The following PKHD1 variants were observed in gnomAD, a reference collection of about 807,000 sequenced individuals.
The protein encoded by PKHD1 is PKHD1 ciliary IPT domain containing fibrocystin/polyductin.
A neutral mutation model predicts 412.0 loss-of-function variants in PKHD1; 291 were observed. The ratio of observed to expected loss-of-function variants is 0.71; its 90% confidence interval spans 0.64 to 0.78. The LOEUF (loss-of-function observed/expected upper bound fraction) is 0.78. PKHD1 is among the 30% of genes least tolerant of loss of function. PKHD1 has a pLI of 0.00. For missense variants in PKHD1, 4,825 were observed against 4,950.7 expected (o/e 0.97, Z 0.76); for synonymous variants, 1,777 against 1,821.5 (o/e 0.98, Z 0.62).
intron 49 of PKHD1, among the ~76,000 whole-genome samples, chr6:51,848,330 T>C (rs1771587813): frequency 6.6e-6 from 1 of 152,186 alleles, no homozygotes; most frequent in African/African-American, 2.4e-5. Context: ...AGAATTCCTT[T>C]CCAGCTTTTC....
Position 51,619,107 on chromosome 6 carries a change from G to T in PKHD1, c.12199C>A (p.Pro4067Thr), listed in dbSNP as rs1217012361. 1 of 1,614,082 alleles carries T rather than the reference G, an allele frequency of 6.2e-7. No homozygotes were observed. Among genetic ancestry groups the T allele is most frequent in the African/African-American group, 1.3e-5 (1 of 74,940 alleles). Residue 4067 changes from proline (P) to threonine (T), a missense_variant, in exon 67 of 67, where the codon CCG (proline) becomes ACG (threonine). Coordinates refer to ENST00000371117, the MANE Select transcript of PKHD1 (RefSeq NM_138694.4). ...CACAGTTGCTCCTGAATAGTTTCCG[G>T]GTGTACTGAATGAAGGCAGAATGCC... ...TEAFCLHSVH[P>T]ETIQEQL
intron 64 of PKHD1, among the ~76,000 whole-genome samples, chr6:51,636,818 A>T (rs1004169359): frequency 1.3e-5 from 2 of 152,208 alleles, no homozygotes; most frequent in African/African-American, 4.8e-5. Context: ...AGAAGTGCAG[A>T]TATTTAATAT....
At chr6:51,764,362 A>G (rs956741825) in intron 55 of PKHD1, among the ~76,000 whole-genome samples, 1 of 149,612 alleles carries the variant, frequency 6.7e-6, no homozygotes, top group East Asian at 2.0e-4. Flanking sequence ...AACCACTATG[A>G]GATACCATCT....
chr6:51,854,033 A>AT (rs1165824757), intron 49 of PKHD1, among the ~76,000 whole-genome samples: 1 of 151,848 alleles, frequency 6.6e-6, no homozygotes, highest in Non-Finnish European at 1.5e-5. Flanking sequence ...TTTCTCGTTG[A>AT]TTCTTTTTCA....
chr6:52,023,996 A>G (rs1801773163), intron 32 of PKHD1, among the ~76,000 whole-genome samples: 1 of 152,232 alleles, frequency 6.6e-6, no homozygotes. Context: ...AATTTGAACT[A>G]TCTCAAGTGC....
intron 64 of PKHD1, among the ~76,000 whole-genome samples, chr6:51,635,872 GGGCC>G (rs1327699767): frequency 3.0e-5 from 3 of 98,992 alleles, no homozygotes; most frequent in African/African-American, 7.4e-5. Flanking sequence ...GGGGGGCGGG[GGGCC>G]GGGGGCGGAT....
chr6:51,633,094 C>T (rs1465450430), intron 64 of PKHD1, among the ~76,000 whole-genome samples: 1 of 152,142 alleles, frequency 6.6e-6, no homozygotes, highest in Non-Finnish European at 1.5e-5. Flanking sequence ...AAATTACTTG[C>T]TCTGATGTAT....
rs761606227 is a variant in PKHD1, at chr6:52,079,814, G to A, written c.390+86C>T. On this transcript the variant is annotated intron_variant, in intron 5 of 66. Coordinates refer to ENST00000371117, the MANE Select transcript of PKHD1 (RefSeq NM_138694.4). ...TCTTTTAACCCGGTCAAGCAGACAC[G>A]CTGGCTCATTTACAATTTGCCTTTC... 7.6e-5 allele frequency: 61 copies of A among 806,830 alleles called. No individual in the cohort carries two copies. In the East Asian group the frequency reaches 8.3e-4, roughly 11 times the overall value. 50.0% of individuals were successfully genotyped at this position (806,830 alleles called of 1,614,324 possible). A position where few individuals can be genotyped will look rare whatever the true frequency, so the allele number is the denominator to read the frequency against.
At chr6:51,664,866 C>T (rs1773465211) in intron 60 of PKHD1, among the ~76,000 whole-genome samples, 1 of 152,062 alleles carries the variant, frequency 6.6e-6, no homozygotes, top group Non-Finnish European at 1.5e-5. Context: ...ATTTTGATTT[C>T]TCATATCTGG....
At chr6:52,050,459 G>A (rs1806637338) in intron 21 of PKHD1, among the ~76,000 whole-genome samples, 164 bp from the exon 22 acceptor site, 1 of 152,206 alleles carries the variant, frequency 6.6e-6, no homozygotes, top group South Asian at 2.1e-4. Context: ...GGACGCAGGA[G>A]GATAAGCCAT....
At chr6:51,828,908 G>C (rs1026330971) in intron 52 of PKHD1, among the ~76,000 whole-genome samples, 1 of 152,042 alleles carries the variant, frequency 6.6e-6, no homozygotes, top group Non-Finnish European at 1.5e-5. Flanking sequence ...GAATTCAATC[G>C]CTCATCAATC....
chr6:51,982,821 T>TAATAATA (rs1482262258), intron 35 of PKHD1, among the ~76,000 whole-genome samples: 2 of 115,642 alleles, frequency 1.7e-5, no homozygotes, highest in East Asian at 5.9e-4. Flanking sequence ...AAAAAAATAA[T>TAATAATA]AATAATAAAT....
intron 43 of PKHD1, among the ~76,000 whole-genome samples, chr6:51,893,883 T>C (rs1779483976): frequency 6.6e-6 from 1 of 152,000 alleles, no homozygotes; most frequent in Admixed American, 6.6e-5. Flanking sequence ...CAGAACAAAT[T>C]CTCCTCAAAT....
At chr6:51,972,955 A>C (rs1793891375) in intron 35 of PKHD1, among the ~76,000 whole-genome samples, 1 of 152,230 alleles carries the variant, frequency 6.6e-6, no homozygotes, top group African/African-American at 2.4e-5. Context: ...CCTCCATGTC[A>C]GGATCAAAAC....
chr6:51,654,353 A>C (rs1222366548), intron 61 of PKHD1, among the ~76,000 whole-genome samples: 3 of 152,106 alleles, frequency 2.0e-5, no homozygotes, highest in Non-Finnish European at 4.4e-5. Flanking sequence ...AGTTGAATAA[A>C]TGTTGTTTTT....
At chr6:51,808,759 A>G (rs190275376) in intron 52 of PKHD1, among the ~76,000 whole-genome samples, 4 of 152,190 alleles carry the variant, frequency 2.6e-5, no homozygotes, top group Admixed American at 2.0e-4. Context: ...TTGGATATTT[A>G]TGGAATGTGG....
At chr6:51,622,560 C>T (rs891195840) in intron 66 of PKHD1, 2 of 152,196 alleles carry the variant, frequency 1.3e-5, no homozygotes, top group African/African-American at 4.8e-5. Flanking sequence ...TAATTAAATA[C>T]TAATGCTTCT....
rs574413531 is a variant in PKHD1, at chr6:51,767,801, G to A, written c.8642+4901C>T. Among the ~76,000 whole-genome samples the A allele has an allele frequency of 2.6e-5, 4 of 152,316 alleles. No homozygotes were observed. In the East Asian group the frequency reaches 7.7e-4, roughly 29 times the overall value. On this transcript the variant is annotated intron_variant, in intron 55 of 66. Coordinates refer to ENST00000371117, the MANE Select transcript of PKHD1 (RefSeq NM_138694.4). Reference sequence around the variant, plus strand: ...TATGTGTGCATGTGTCTTTATAGCAGCATGATTTATAATCCTTTGATTATA... The same window carrying A: ...TATGTGTGCATGTGTCTTTATAGCAACATGATTTATAATCCTTTGATTATA...
chr6:51,655,932 A>T (rs975934882), intron 61 of PKHD1, among the ~76,000 whole-genome samples: 1 of 152,172 alleles, frequency 6.6e-6, no homozygotes, highest in African/African-American at 2.4e-5. Flanking sequence ...GAGTGTGGCG[A>T]TTCCTCAAGG....
Sources: gnomAD v4.1 joint callset for allele counts (sites outside exome capture counted in the v4.1 genomes callset) on GRCh38, gnomAD v4.1.1 for gene constraint, MANE v1.5 for transcripts, NCBI Gene and HGNC (gene_info 2026-07-23, HGNC 2026-07-21) for gene names.